The following PCDHGA3 variants were observed in gnomAD, a reference collection of about 807,000 sequenced individuals.
PCDHGA3 encodes the protein protocadherin gamma-A3.
In PCDHGA3, 40 loss-of-function variants were observed where a neutral mutation model predicts 58.5. That is an observed-to-expected ratio of 0.68 (90% CI 0.53 to 0.89). The LOEUF is 0.89. PCDHGA3 is among the 40% of genes least tolerant of loss of function. The pLI, the probability that PCDHGA3 is intolerant of heterozygous loss-of-function variation, is 0.00. For missense variants in PCDHGA3, 1,223 were observed against 1,195.9 expected (o/e 1.02, Z -0.33); for synonymous variants, 530 against 525.7 (o/e 1.01, Z -0.11).
intron 1 of PCDHGA3, chr5:141,413,829 C>T (rs923860929): frequency 1.1e-5 from 18 of 1,613,176 alleles, no homozygotes; most frequent in Non-Finnish European, 1.4e-5. Flanking sequence ...TCCTCACCGC[C>T]TCCGACGGGG....
chr5:141,382,147 C>A (rs1343948050), intron 1 of PCDHGA3, among the ~76,000 whole-genome samples: 1 of 151,884 alleles, frequency 6.6e-6, no homozygotes, highest in East Asian at 1.9e-4. Context: ...ATTTTTTAAA[C>A]GGTTAAAATG....
intron 1 of PCDHGA3, chr5:141,357,012 G>C: frequency 6.2e-7 from 1 of 1,614,174 alleles, no homozygotes; most frequent in Non-Finnish European, 8.5e-7. Context: ...ATGCCTGGCT[G>C]TCCTACAGCC....
chr5:141,345,044 T>C lies in PCDHGA3; in HGVS notation c.1011T>C (p.Val337=), dbSNP rs1757511467. Residue 337 remains valine (V), a synonymous_variant, in exon 1 of 4, where the codon GTT becomes GTC. Transcript: ENST00000253812. ...LLSRAKILVT[V]LDVNDNAPEI... ...CAAGAGCCAAGATTCTAGTCACGGT[T>C]CTGGATGTGAATGACAATGCTCCAG... 3.7e-6 allele frequency: 6 copies of C among 1,613,730 alleles called. No homozygotes were observed. In the East Asian group the frequency reaches 1.3e-4, roughly 36 times the overall value.
intron 1 of PCDHGA3, among the ~76,000 whole-genome samples, chr5:141,447,652 C>T (rs901761789): frequency 6.6e-6 from 1 of 151,972 alleles, no homozygotes; most frequent in African/African-American, 2.4e-5. Context: ...TAGAATTTTC[C>T]CCCCCAGGAA....
chr5:141,403,069 A>G (rs747569947), intron 1 of PCDHGA3: 3 of 1,613,954 alleles, frequency 1.9e-6, no homozygotes, highest in African/African-American at 2.7e-5. Flanking sequence ...CTGAAGAGAC[A>G]GAAAAGGGCT....
intron 1 of PCDHGA3, 33 bp from the exon 2 acceptor site, chr5:141,494,774 T>C (rs1462930792): frequency 6.2e-7 from 1 of 1,613,860 alleles, no homozygotes; most frequent in African/African-American, 1.3e-5. Flanking sequence ...TTCTCACGGG[T>C]ACTCAGCCCC....
At chr5:141,393,777 G>A (rs1388423635) in intron 1 of PCDHGA3, 2 of 1,613,916 alleles carry the variant, frequency 1.2e-6, no homozygotes, top group East Asian at 2.2e-5. Context: ...AATACAAGCC[G>A]AAGATGTGGG....
chr5:141,490,279 G>A lies in PCDHGA3; in HGVS notation c.2425-4528G>A, dbSNP rs1344083401. The A allele has an allele frequency of 5.6e-6, 9 of 1,614,228 alleles. No individual in the cohort carries two copies. In the East Asian group the frequency reaches 1.8e-4, roughly 32 times the overall value. On this transcript the variant is annotated intron_variant, in intron 1 of 3. Coordinates refer to ENST00000253812, the MANE Select transcript of PCDHGA3 (RefSeq NM_018916.4). This position sits in a 1 kb window ranked among gnomAD's most constrained non-coding sequence, Gnocchi z 5.4. ...GGATGTGGGGGATGTCAATGACAAT[G>A]CCCCAGAGGTGCTATTGGCCTCTTT...
chr5:141,389,784 G>A (rs1380763543), intron 1 of PCDHGA3: 5 of 1,613,318 alleles, frequency 3.1e-6, no homozygotes, highest in Non-Finnish European at 4.2e-6. Flanking sequence ...AGGCGACAGG[G>A]ACGCCGTCCG....
rs1413288410 is a variant in PCDHGA3 at position 141,392,726 on chromosome 5, T to C, written c.2424+46269T>C. On this transcript the variant is annotated intron_variant, in intron 1 of 3. Transcript: ENST00000253812. The stretch of plus-strand genomic sequence containing the variant: ...GGAGGCACTCCAGGTTTCCGGAGGA[T>C]TGTCATCTCCATAGCTGCGGCAAGA... 4.3e-6 allele frequency: 6 copies of C among 1,399,264 alleles called. No individual in the cohort carries two copies. The African/African-American group carries it at 8.7e-5, about 20-fold the overall frequency. 86.7% of individuals were successfully genotyped at this position (1,399,264 alleles called of 1,614,324 possible).
intron 1 of PCDHGA3, among the ~76,000 whole-genome samples, chr5:141,443,179 A>G (rs2098370392): frequency 6.6e-6 from 1 of 152,190 alleles, no homozygotes; most frequent in South Asian, 2.1e-4. Flanking sequence ...TGTCCACTGC[A>G]TCATTCTCTA....
rs1467261705 is a variant in PCDHGA3, at chr5:141,417,640, C to G, written c.2424+71183C>G. 6.6e-6 allele frequency: 5 copies of G among 761,360 alleles called. No homozygotes were observed. The African/African-American group carries it at 8.8e-5, about 13-fold the overall frequency. 47.2% of individuals were successfully genotyped at this position (761,360 alleles called of 1,614,324 possible). A position where few individuals can be genotyped will look rare whatever the true frequency, so the allele number is the denominator to read the frequency against. On this transcript the variant is annotated intron_variant, in intron 1 of 3. Coordinates refer to ENST00000253812, the MANE Select transcript of PCDHGA3 (RefSeq NM_018916.4). ...AGAGCAAGCGCTGACGCCGGGGATC[C>G]CTCAGCCTCTAGCCTGGGATTCCCT...
At chr5:141,385,880 A>G (rs192436155) in intron 1 of PCDHGA3, 3 of 153,092 alleles carry the variant, frequency 2.0e-5, no homozygotes, top group Admixed American at 1.9e-4. Context: ...ATTTATGCCT[A>G]AAGAATGAAA....
chr5:141,381,820 C>CTTTCTTTCTTTCTTTCTTTCT (rs1279410534), intron 1 of PCDHGA3, among the ~76,000 whole-genome samples: 8 of 119,916 alleles, frequency 6.7e-5, no homozygotes, highest in African/African-American at 2.7e-4. Flanking sequence ...TTCTTTCTTT[C>CTTTCTTTCTTTCTTTCTTTCT]TTCTTCTTTT....
Position 141,486,151 on chromosome 5 carries a change from T to C in PCDHGA3, c.2425-8656T>C, listed in dbSNP as rs570065848. The C allele has an allele frequency of 2.7e-5, 44 of 1,613,914 alleles. No individual in the cohort carries two copies. In the South Asian group the frequency reaches 4.3e-4, roughly 16 times the overall value. ...TTGATGTGCGGGCTCGCGATGGGGGTTCTCCAGCCATGGAGCAACATTGCA... is the reference window on the plus strand; with the variant it reads ...TTGATGTGCGGGCTCGCGATGGGGGCTCTCCAGCCATGGAGCAACATTGCA... On this transcript the variant is annotated intron_variant, in intron 1 of 3. Transcript: ENST00000253812. The surrounding 1 kb of genome is among the most constrained non-coding windows in gnomAD (Gnocchi z 5.0).
intron 1 of PCDHGA3, chr5:141,384,769 G>A (rs778610936): frequency 6.2e-7 from 1 of 1,613,914 alleles, no homozygotes; most frequent in Non-Finnish European, 8.5e-7. Context: ...GCTGTACACG[G>A]GCGAGGTGCG....
chr5:141,450,183 A>G (rs1461369835), intron 1 of PCDHGA3, among the ~76,000 whole-genome samples: 1 of 151,558 alleles, frequency 6.6e-6, no homozygotes, highest in Non-Finnish European at 1.5e-5. Context: ...ACACCCAGCT[A>G]ATTTTTGTAT....
chr5:141,502,173 T>C (rs1377892969), intron 2 of PCDHGA3, among the ~76,000 whole-genome samples: 2 of 152,178 alleles, frequency 1.3e-5, no homozygotes, highest in African/African-American at 4.8e-5. Flanking sequence ...AGTTGAGGAA[T>C]TTAACATTAA....
chr5:141,357,715 G>A lies in PCDHGA3; in HGVS notation c.2424+11258G>A, dbSNP rs1760708169. On this transcript the variant is annotated intron_variant, in intron 1 of 3. Coordinates refer to ENST00000253812, the MANE Select transcript of PCDHGA3 (RefSeq NM_018916.4). ...TTTTATATGTAATATATCAAATAAA[G>A]TTGCCTCTTTTAATATTTTATTGCT... The A allele has an allele frequency of 2.1e-6, 3 of 1,449,624 alleles. No homozygotes were observed. In the South Asian group the frequency reaches 4.2e-5, roughly 20 times the overall value. 89.8% of individuals were successfully genotyped at this position (1,449,624 alleles called of 1,614,324 possible).
Sources: allele counts gnomAD v4.1 joint callset (sites outside exome capture counted in the v4.1 genomes callset), GRCh38; gene constraint gnomAD v4.1.1; non-coding constraint Gnocchi (gnomAD v3.1); transcripts MANE v1.5; gene names NCBI Gene and HGNC (gene_info 2026-07-23, HGNC 2026-07-21).